DPP6: variants seen among roughly 807,000 people sequenced by gnomAD.
DPP6 encodes dipeptidyl peptidase like 6.
Under a neutral mutation model 122.6 loss-of-function variants are expected in DPP6, and 69 were observed. The ratio of observed to expected loss-of-function variants is 0.56; its 90% CI spans 0.46 to 0.69. The LOEUF (loss-of-function observed/expected upper bound fraction) is 0.69, where lower values mean the gene tolerates loss of function less well. Among genes scored for constraint, DPP6 ranks in the 30% least tolerant of loss-of-function variants. DPP6 has a pLI of 0.00. For missense variants in DPP6, 928 were observed against 1,116.9 expected (o/e 0.83, Z 2.41); for synonymous variants, 418 against 433.1 (o/e 0.97, Z 0.43).
chr7:154,364,833 C>T (rs772078304), intron 1 of DPP6, among the ~76,000 whole-genome samples: 80 of 152,074 alleles, frequency 5.3e-4, no homozygotes, highest in Non-Finnish European at 8.5e-4. Flanking sequence ...ACATCGGAAC[C>T]GGCACAGTAG....
intron 21 of DPP6, 108 bp downstream of exon 21, chr7:154,881,050 G>C: frequency 7.1e-7 from 1 of 1,409,812 alleles, no homozygotes; most frequent in Non-Finnish European, 9.3e-7. Flanking sequence ...CTGCTGGTGA[G>C]CAAGTAATTT....
At chr7:153,755,980 T>C in the DPP6 span, among the ~76,000 whole-genome samples, 1 of 152,352 alleles carries the variant, frequency 6.6e-6, no homozygotes, top group African/African-American at 2.4e-5. Context: ...GTCCTTTTCC[T>C]GCCCCTTTTC....
intron 8 of DPP6, among the ~76,000 whole-genome samples, chr7:154,737,993 G>A (rs1842647076): frequency 6.6e-6 from 1 of 152,204 alleles, no homozygotes; most frequent in Admixed American, 6.5e-5. Flanking sequence ...TGGAAGCGCA[G>A]GCATATTACA....
At chr7:154,155,119 TC>T (rs201480026) in intron 1 of DPP6, among the ~76,000 whole-genome samples, 2,209 of 152,282 alleles carry the variant, frequency 0.015, 51 homozygotes, top group African/African-American at 0.05. Context: ...ATTAGAAGGT[TC>T]CTCTTGAGAG....
intron 1 of DPP6, among the ~76,000 whole-genome samples, chr7:154,210,508 A>T (rs4481499): frequency 0.79 from 119,357 of 151,908 alleles, 47,185 homozygotes; most frequent in Middle Eastern, 0.83. Context: ...GGATTCTATG[A>T]TTAATACCTA....
rs1395778479 is a variant in DPP6, at chr7:153,990,558, T to C, written c.51+102824T>C. ...TGCCTTTTAGTACCAGTTCCTATTG[T>C]TTGGAAAACACGAGGTGGCTTCCGA... On this transcript the variant is annotated intron_variant, in intron 1 of 25. Coordinates refer to the DPP6 transcript ENST00000404039. 2.6e-5 allele frequency among the ~76,000 whole-genome samples: 4 copies of C among 152,230 alleles called. No homozygotes were observed. The East Asian group carries it at 7.8e-4, about 30-fold the overall frequency.
intron 3 of DPP6, among the ~76,000 whole-genome samples, chr7:154,522,183 C>A (rs1380611572): frequency 6.6e-6 from 1 of 152,074 alleles, no homozygotes; most frequent in Admixed American, 6.5e-5. Flanking sequence ...ACCGCGTTAG[C>A]CAGGATGATC....
chr7:153,780,134 T>C, the DPP6 span, among the ~76,000 whole-genome samples: 2 of 152,018 alleles, frequency 1.3e-5, no homozygotes, highest in African/African-American at 4.8e-5. Flanking sequence ...GGTGTGTTTA[T>C]GGAAACAATG....
chr7:153,785,934 A>C, the DPP6 span, among the ~76,000 whole-genome samples: 1 of 151,588 alleles, frequency 6.6e-6, no homozygotes, highest in Non-Finnish European at 1.5e-5. Context: ...TAGAACCTGA[A>C]TATTTTCTTC....
chr7:154,524,504 C>T (rs1563802420), intron 3 of DPP6, among the ~76,000 whole-genome samples: 1 of 152,182 alleles, frequency 6.6e-6, no homozygotes, highest in Non-Finnish European at 1.5e-5. Context: ...GCTCACATGG[C>T]CAGACACCCA....
chr7:153,748,850 C>G, the DPP6 span, among the ~76,000 whole-genome samples: 2 of 143,032 alleles, frequency 1.4e-5, no homozygotes, highest in Non-Finnish European at 3.1e-5. Flanking sequence ...GGAGGACCCA[C>G]CTCGCGTCTC....
chr7:153,921,868 G>A (rs1229872564), intron 1 of DPP6, among the ~76,000 whole-genome samples: 4 of 152,254 alleles, frequency 2.6e-5, no homozygotes, highest in African/African-American at 9.6e-5. Flanking sequence ...TCTGCAAGGC[G>A]AGAAAGTTAG....
intron 1 of DPP6, among the ~76,000 whole-genome samples, chr7:154,265,639 G>A (rs1375409174): frequency 6.6e-6 from 1 of 152,164 alleles, no homozygotes; most frequent in African/African-American, 2.4e-5. Flanking sequence ...AAATGATAAT[G>A]TAGCCGACTT....
intron 1 of DPP6, among the ~76,000 whole-genome samples, chr7:154,019,539 T>C (rs1156797364): frequency 6.6e-6 from 1 of 151,864 alleles, no homozygotes; most frequent in Non-Finnish European, 1.5e-5. Context: ...CCATATTTAA[T>C]GCACACAGTG....
In DPP6 at chr7:154,821,653, T is replaced by TATATACACAC. The variant is rs1554477669; in HGVS notation, c.1666+14546_1666+14547insCACACATATA. On this transcript the variant is annotated intron_variant, in intron 16 of 25. Transcript: ENST00000377770. The surrounding 1 kb of genome is among the most constrained non-coding windows in gnomAD (Gnocchi z 4.2). ...GTATATATATATATATATACACATA[T>TATATACACAC]ATATATATATACACATATATATATA... 7.9e-4 allele frequency among the ~76,000 whole-genome samples: 85 copies of TATATACACAC among 107,074 alleles called. No individual in the cohort carries two copies. Among genetic ancestry groups the TATATACACAC allele is most frequent in the African/African-American group, 2.8e-3 (83 of 29,632 alleles). 70.2% of individuals were successfully genotyped at this position (107,074 alleles called of 152,430 possible).
chr7:154,614,830 T>G (rs1834131489), intron 5 of DPP6, among the ~76,000 whole-genome samples: 1 of 152,322 alleles, frequency 6.6e-6, no homozygotes, highest in East Asian at 1.9e-4. Context: ...AACTTGCCTT[T>G]GATGAGAAAA....
chr7:153,964,354 A>G (rs1458308672), intron 1 of DPP6, among the ~76,000 whole-genome samples: 2 of 152,076 alleles, frequency 1.3e-5, no homozygotes, highest in African/African-American at 2.4e-5. Context: ...AATGTAATGC[A>G]TTTTCTGGAA....
At chr7:154,593,757 A>ACACGCAT (rs1244717790) in intron 5 of DPP6, among the ~76,000 whole-genome samples, 2 of 152,198 alleles carry the variant, frequency 1.3e-5, no homozygotes, top group Non-Finnish European at 2.9e-5. Flanking sequence ...GCTCTGTTCT[A>ACACGCAT]GGCACTCGGG....
chr7:153,988,128 A>T (rs1796938930), intron 1 of DPP6, among the ~76,000 whole-genome samples: 1 of 152,214 alleles, frequency 6.6e-6, no homozygotes, highest in Admixed American at 6.5e-5. Context: ...ACTTAATCTT[A>T]GATGGGTGGC....
Sources: allele counts gnomAD v4.1 joint callset (sites outside exome capture counted in the v4.1 genomes callset), GRCh38; gene constraint gnomAD v4.1.1; non-coding constraint Gnocchi (gnomAD v3.1); transcripts MANE v1.5; gene names NCBI Gene and HGNC (gene_info 2026-07-23, HGNC 2026-07-21).